TEX36: variants seen among roughly 807,000 people sequenced by gnomAD.
The protein encoded by TEX36 is testis-expressed protein 36.
In TEX36, 12 loss-of-function variants were observed where a neutral mutation model predicts 13.6. The ratio of observed to expected loss-of-function variants is 0.88; its 90% CI spans 0.56 to 1.43. The LOEUF is 1.43. Ranked by LOEUF, TEX36 falls within the 40% of genes most tolerant of loss-of-function variation. The pLI, the probability that TEX36 is intolerant of heterozygous loss-of-function variation, is 0.00. For synonymous variants in TEX36, 93 were observed against 83.0 expected (o/e 1.12, Z -0.65); for missense variants, 224 against 228.3 (o/e 0.98, Z 0.12).
chr10:125,613,505 T>C (rs1284391288), intron 3 of TEX36, among the ~76,000 whole-genome samples: 3 of 139,040 alleles, frequency 2.2e-5, no homozygotes, highest in Non-Finnish European at 3.0e-5. Flanking sequence ...TGTTCAATTC[T>C]CACCTATGAG....
At chr10:125,576,769 C>T (rs761173526) in exon 4 of TEX36, 148 of 1,535,292 alleles carry the variant, frequency 9.6e-5, no homozygotes, top group Non-Finnish European at 1.3e-4. Flanking sequence ...AGGAGGGGTG[C>T]ATTAGTTCTC....
At chr10:125,621,504 T>A, downstream of TEX36, 1 of 417,118 alleles carries the variant, frequency 2.4e-6, no homozygotes, top group Non-Finnish European at 4.8e-6. Flanking sequence ...TAATTTTTGA[T>A]ATTGCCTTTT....
intron 3 of TEX36, among the ~76,000 whole-genome samples, chr10:125,644,105 T>C (rs1035329326): frequency 7.2e-5 from 11 of 152,298 alleles, no homozygotes; most frequent in African/African-American, 2.6e-4. Context: ...AATCAAATAT[T>C]ACACCCACAA....
intron 3 of TEX36, chr10:125,578,240 CT>C (rs752996711): frequency 6.6e-6 from 1 of 152,192 alleles, no homozygotes; most frequent in Non-Finnish European, 1.5e-5. Context: ...CTGAGAGCTG[CT>C]GATAATACGT....
intron 3 of TEX36, among the ~76,000 whole-genome samples, chr10:125,595,361 A>G (rs1271746566): frequency 6.6e-6 from 1 of 152,228 alleles, no homozygotes; most frequent in Non-Finnish European, 1.5e-5. Flanking sequence ...TCACATTGAT[A>G]TCAAAATCAG....
downstream of TEX36, among the ~76,000 whole-genome samples, chr10:125,620,622 A>G (rs1846418780): frequency 2.0e-5 from 3 of 152,230 alleles, no homozygotes; most frequent in South Asian, 4.1e-4. Flanking sequence ...ATTTTTTTTA[A>G]TTGTGGTAAA....
At chr10:125,640,260 G>T in intron 3 of TEX36, 1 of 966,828 alleles carries the variant, frequency 1.0e-6, no homozygotes, top group East Asian at 1.1e-4. Flanking sequence ...TAGGATTTGT[G>T]TTCTTGTGCC....
chr10:125,670,861 GT>G (rs1364652934), intron 1 of TEX36, among the ~76,000 whole-genome samples: 1 of 151,830 alleles, frequency 6.6e-6, no homozygotes, highest in Non-Finnish European at 1.5e-5. Context: ...CCCATTGCTT[GT>G]TTTTTTCAAG....
chr10:125,654,060 G>A (rs77501309), downstream of TEX36, among the ~76,000 whole-genome samples: 3,952 of 152,080 alleles, frequency 0.026, 178 homozygotes, highest in African/African-American at 0.09. Flanking sequence ...AATAAGATGC[G>A]AAAAATATAA....
At chr10:125,618,999 G>A (rs975687398), downstream of TEX36, among the ~76,000 whole-genome samples, 19 of 149,122 alleles carry the variant, frequency 1.3e-4, no homozygotes, top group Non-Finnish European at 2.5e-4. Context: ...GAGTGGTGTC[G>A]GGTGCCTGTA....
chr10:125,595,129 CA>C (rs1193340670), intron 3 of TEX36, among the ~76,000 whole-genome samples: 2 of 152,130 alleles, frequency 1.3e-5, no homozygotes, highest in African/African-American at 2.4e-5. Context: ...TAGAAATACA[CA>C]TTACAAATGG....
chr10:125,612,809 GAA>G (rs35721943), intron 3 of TEX36, among the ~76,000 whole-genome samples: 1 of 146,150 alleles, frequency 6.8e-6, no homozygotes, highest in African/African-American at 2.5e-5. Context: ...TTACAAACAG[GAA>G]AAAAAAAAAC....
intron 3 of TEX36, among the ~76,000 whole-genome samples, chr10:125,600,959 A>C (rs1206541927): frequency 6.6e-6 from 1 of 152,214 alleles, no homozygotes; most frequent in Non-Finnish European, 1.5e-5. Flanking sequence ...AGCAAGAGCA[A>C]TTGCTAAAGA....
At chr10:125,635,180 G>C (rs1488328046) in intron 3 of TEX36, among the ~76,000 whole-genome samples, 2 of 152,140 alleles carry the variant, frequency 1.3e-5, no homozygotes, top group Non-Finnish European at 2.9e-5. Flanking sequence ...CAAGAAGCAG[G>C]CTCCACCACA....
At chr10:125,661,409 A>G (rs955438844) in intron 2 of TEX36, among the ~76,000 whole-genome samples, 26 of 152,158 alleles carry the variant, frequency 1.7e-4, no homozygotes, top group African/African-American at 5.8e-4. Context: ...ACTGGGAAGG[A>G]CTTTTGAGGC....
At chr10:125,626,397 G>A (rs1323385418) in intron 3 of TEX36, among the ~76,000 whole-genome samples, 6 of 152,168 alleles carry the variant, frequency 3.9e-5, no homozygotes, top group African/African-American at 9.7e-5. Context: ...AGTCATTAAC[G>A]CTCATGTGCC....
intron 3 of TEX36, among the ~76,000 whole-genome samples, chr10:125,588,773 C>A (rs1845988967): frequency 6.6e-6 from 1 of 152,166 alleles, no homozygotes; most frequent in Non-Finnish European, 1.5e-5. Context: ...TGCCACCACG[C>A]CCAGCTAATT....
chr10:125,621,531 G>C, downstream of TEX36: 1 of 449,266 alleles, frequency 2.2e-6, no homozygotes, highest in Non-Finnish European at 4.5e-6. Flanking sequence ...ATATTAGTCA[G>C]GGCTCTCCAG....
At chr10:125,577,308 G>A (rs60841459) in intron 3 of TEX36, among the ~76,000 whole-genome samples, 2 of 152,238 alleles carry the variant, frequency 1.3e-5, no homozygotes, top group East Asian at 1.9e-4. Flanking sequence ...ACCAGCCTGG[G>A]AAACATGGCG....
Sources: allele counts gnomAD v4.1 joint callset (sites outside exome capture counted in the v4.1 genomes callset), GRCh38; gene constraint gnomAD v4.1.1; transcripts MANE v1.5; gene names NCBI Gene and HGNC (gene_info 2026-07-23, HGNC 2026-07-21).